The following DNAJB4 variants were observed in gnomAD, a reference collection of about 807,000 sequenced individuals.
DNAJB4 encodes the protein DnaJ heat shock protein family (Hsp40) member B4, also known as dnaJ homolog subfamily B member 4.
In DNAJB4, 10 loss-of-function variants were observed where a neutral mutation model predicts 26.6. The ratio of observed to expected loss-of-function variants is 0.38; its 90% CI spans 0.23 to 0.64. DNAJB4 has a LOEUF of 0.64. Ranked by LOEUF, DNAJB4 falls within the 30% of genes least tolerant of loss-of-function variation. The probability of loss-of-function intolerance (pLI) is 0.58; values close to 1 mark genes in which losing one functional copy is unlikely to be tolerated. For synonymous variants in DNAJB4, 136 were observed against 134.8 expected (o/e 1.01, Z -0.06); for missense variants, 328 against 408.2 (o/e 0.80, Z 1.69).
chr1:78,017,840 A>G lies in DNAJB4; in HGVS notation c.*1593A>G, dbSNP rs1473317167. 2 of 148,344 alleles carry G rather than the reference A, an allele frequency of 1.3e-5. No homozygotes were observed. Among genetic ancestry groups the G allele is most frequent in the African/African-American group, 2.5e-5 (1 of 40,132 alleles). 9.2% of individuals were successfully genotyped at this position (148,344 alleles called of 1,614,324 possible). A position where few individuals can be genotyped will look rare whatever the true frequency, so the allele number is the denominator to read the frequency against. ...AAGGTTCATCTATGTTGTATCACGTATCAGTACTTTATTTTTTGTGTGGCA... is the reference window on the plus strand; with the variant it reads ...AAGGTTCATCTATGTTGTATCACGTGTCAGTACTTTATTTTTTGTGTGGCA... On this transcript the variant is annotated 3_prime_UTR_variant, in exon 3 of 3. Coordinates refer to ENST00000370763, the MANE Select transcript of DNAJB4 (RefSeq NM_007034.5).
At chr1:78,015,550 CTT>C (rs766899519) in intron 2 of DNAJB4, among the ~76,000 whole-genome samples, 5 of 57,776 alleles carry the variant, frequency 8.7e-5, no homozygotes, top group Admixed American at 2.1e-4. Flanking sequence ...TTTCTTTCTT[CTT>C]TTTTTTTTTT....
intron 1 of DNAJB4, among the ~76,000 whole-genome samples, chr1:77,993,868 C>G (rs538167257): frequency 1.3e-5 from 2 of 152,164 alleles, no homozygotes; most frequent in East Asian, 1.9e-4. Context: ...TATAATAGTT[C>G]AAGCTTATGC....
Position 77,983,656 on chromosome 1 carries a change from A to T in DNAJB4, c.-32+3334A>T, listed in dbSNP as rs1659722949. On this transcript the variant is annotated intron_variant, in intron 1 of 2. Transcript: ENST00000426517. ...GCTCATCTTGCACCGCCCTTAATCC[A>T]TTTAACTCTGAGTTGACACAGCACA... Among the ~76,000 whole-genome samples the T allele has an allele frequency of 2.0e-5, 3 of 152,320 alleles. No homozygotes were observed. In the South Asian group the frequency reaches 6.2e-4, roughly 32 times the overall value.
chr1:78,011,011 T>C (rs776313082), intron 1 of DNAJB4, among the ~76,000 whole-genome samples: 2 of 152,224 alleles, frequency 1.3e-5, no homozygotes, highest in Non-Finnish European at 2.9e-5. Context: ...TATTAGAATC[T>C]CCTAGCTTAA....
At chr1:77,981,654 G>A (rs1297919136) in intron 1 of DNAJB4, among the ~76,000 whole-genome samples, 1 of 152,124 alleles carries the variant, frequency 6.6e-6, no homozygotes, top group African/African-American at 2.4e-5. Flanking sequence ...AAAAATTAAT[G>A]CTTGAGACAA....
chr1:78,007,994 A>G (rs1660375048), intron 1 of DNAJB4, among the ~76,000 whole-genome samples: 1 of 152,232 alleles, frequency 6.6e-6, no homozygotes, highest in African/African-American at 2.4e-5. Flanking sequence ...GGAGTGAAAG[A>G]ACCAGTAATC....
At chr1:78,011,878 A>G (rs190678782) in intron 1 of DNAJB4, among the ~76,000 whole-genome samples, 5 of 150,194 alleles carry the variant, frequency 3.3e-5, no homozygotes, top group African/African-American at 9.7e-5. Context: ...ACATATTTCT[A>G]TTTTATTTAT....
chr1:78,016,386 G>A lies in DNAJB4; in HGVS notation c.*139G>A, dbSNP rs17101148. On this transcript the variant is annotated 3_prime_UTR_variant, in exon 3 of 3. Coordinates refer to ENST00000370763, the MANE Select transcript of DNAJB4 (RefSeq NM_007034.5). Reference sequence around the variant, plus strand: ...TTCATTAAATTGCATGAATAGAGACGGGTCAAATAAATAGGCAAAAGGGAT... The same window carrying A: ...TTCATTAAATTGCATGAATAGAGACAGGTCAAATAAATAGGCAAAAGGGAT... 2,447 of 671,998 alleles carry A rather than the reference G, an allele frequency of 3.6e-3. 52 individuals carry two copies. In the African/African-American group the frequency reaches 0.042, roughly 12 times the overall value. The allele number at this position is 671,998 out of a possible 1,614,324, so 41.6% of individuals were successfully genotyped here. A position where few individuals can be genotyped will look rare whatever the true frequency, so the allele number is the denominator to read the frequency against.
chr1:78,005,416 T>A, intron 1 of DNAJB4, 95 bp downstream of exon 1: 1 of 1,003,980 alleles, frequency 1.0e-6, no homozygotes, highest in Non-Finnish European at 1.4e-6. Context: ...TCTCTCAGCT[T>A]GTTAAGGTTA....
At chr1:77,997,199 G>A (rs1660080855) in intron 1 of DNAJB4, among the ~76,000 whole-genome samples, 1 of 151,630 alleles carries the variant, frequency 6.6e-6, no homozygotes, top group African/African-American at 2.4e-5. Flanking sequence ...AAAACTTTCA[G>A]CTGGGTGCAG....
intron 1 of DNAJB4, among the ~76,000 whole-genome samples, chr1:77,985,713 C>T (rs1038358679): frequency 7.3e-5 from 11 of 151,626 alleles, no homozygotes; most frequent in East Asian, 1.9e-4. Flanking sequence ...AAGTGGTAAA[C>T]GGTCAAGGGC....
At chr1:78,008,483 T>G (rs897652237) in intron 1 of DNAJB4, among the ~76,000 whole-genome samples, 7 of 152,174 alleles carry the variant, frequency 4.6e-5, no homozygotes, top group Non-Finnish European at 1.0e-4. Context: ...AGAAGCCAGA[T>G]GTAAAAGACT....
chr1:77,984,438 A>G lies in DNAJB4; in HGVS notation c.-32+4116A>G, dbSNP rs1009811741. Among the ~76,000 whole-genome samples, 7 of 151,974 alleles carry G rather than the reference A, an allele frequency of 4.6e-5. No homozygotes were observed. The South Asian group carries it at 8.3e-4, about 18-fold the overall frequency. On this transcript the variant is annotated intron_variant, in intron 1 of 2. Transcript: ENST00000426517. The stretch of plus-strand genomic sequence containing the variant: ...TACTGAATCATGTTTTGGGGAATCT[A>G]TATTTCTTTCTTTCTTTCTTTCTTT...
Position 78,017,136 on chromosome 1 carries a change from A to C in DNAJB4, c.*889A>C. The C allele has an allele frequency of 6.6e-6, 1 of 152,088 alleles. No homozygotes were observed. The highest frequency in any genetic ancestry group is 1.9e-4 in the East Asian group (1 of 5,206). The allele number at this position is 152,088 out of a possible 1,614,324, so 9.4% of individuals were successfully genotyped here. A position where few individuals can be genotyped will look rare whatever the true frequency, so the allele number is the denominator to read the frequency against. ...TGTACTTTATGTAATTTCCCTAAAA[A>C]GAATGAACTACCACTACACTATGGT... is the stretch of plus-strand genomic sequence containing the variant. On this transcript the variant is annotated 3_prime_UTR_variant, in exon 3 of 3. Coordinates refer to ENST00000370763, the MANE Select transcript of DNAJB4 (RefSeq NM_007034.5).
In DNAJB4 at chr1:78,017,191, C is replaced by G. The variant is rs1021961230; in HGVS notation, c.*944C>G. 6.6e-6 allele frequency: 1 copy of G among 151,980 alleles called. No homozygotes were observed. Among genetic ancestry groups the G allele is most frequent in the Non-Finnish European group, 1.5e-5 (1 of 67,900 alleles). The allele number at this position is 151,980 out of a possible 1,614,324, so 9.4% of individuals were successfully genotyped here. ...AACCAAAATATAGGGAAAATAAACA[C>G]TAACTGCTGCTTATGGATAATGTTG... On this transcript the variant is annotated 3_prime_UTR_variant, in exon 3 of 3. Coordinates refer to ENST00000370763, the MANE Select transcript of DNAJB4 (RefSeq NM_007034.5).
At chr1:77,995,970 G>T (rs974041471) in intron 1 of DNAJB4, among the ~76,000 whole-genome samples, 4 of 152,038 alleles carry the variant, frequency 2.6e-5, no homozygotes, top group African/African-American at 9.7e-5. Flanking sequence ...AACAAAAAAA[G>T]AACTCTTTAA....
intron 1 of DNAJB4, among the ~76,000 whole-genome samples, chr1:78,008,270 T>A (rs1008241105): frequency 6.6e-6 from 1 of 152,056 alleles, no homozygotes; most frequent in Non-Finnish European, 1.5e-5. Context: ...CAAAAACATG[T>A]CCACACAAAG....
At chr1:77,990,154 G>C (rs1170283284) in intron 1 of DNAJB4, among the ~76,000 whole-genome samples, 1 of 152,178 alleles carries the variant, frequency 6.6e-6, no homozygotes, top group East Asian at 1.9e-4. Context: ...AGATATGAAT[G>C]GTTCTTTGGT....
Position 78,004,952 on chromosome 1 carries a change from G to GT in DNAJB4, c.-159_-158insT. On this transcript the variant is annotated 5_prime_UTR_variant, in exon 1 of 3. Coordinates refer to ENST00000370763, the MANE Select transcript of DNAJB4 (RefSeq NM_007034.5). Reference sequence around the variant, plus strand: ...AGCCGTTGGGGAAGGATTGAATACAGAGACGCTGTCTGCTTGCTGCCTTAA... The same window carrying GT: ...AGCCGTTGGGGAAGGATTGAATACAGTAGACGCTGTCTGCTTGCTGCCTTAA... 1 of 707,838 alleles carries GT rather than the reference G, an allele frequency of 1.4e-6. No individual in the cohort carries two copies. Among genetic ancestry groups the GT allele is most frequent in the Non-Finnish European group, 2.4e-6 (1 of 415,440 alleles). 43.8% of individuals were successfully genotyped at this position (707,838 alleles called of 1,614,324 possible).
Sources: gnomAD v4.1 joint callset for allele counts (sites outside exome capture counted in the v4.1 genomes callset) on GRCh38, gnomAD v4.1.1 for gene constraint, MANE v1.5 for transcripts, NCBI Gene and HGNC (gene_info 2026-07-23, HGNC 2026-07-21) for gene names.